Variants in NKAIN2 observed in about 807,000 individuals in gnomAD.
The protein encoded by NKAIN2 is sodium/potassium-transporting ATPase subunit beta-1-interacting protein 2.
Under a neutral mutation model 32.6 loss-of-function variants are expected in NKAIN2, and 14 were observed. The ratio of observed to expected loss-of-function variants is 0.43; its 90% CI spans 0.28 to 0.67. The LOEUF is 0.67. Ranked by LOEUF, NKAIN2 falls within the 30% of genes least tolerant of loss-of-function variation. The pLI is 0.17. For missense variants in NKAIN2, 198 were observed against 258.3 expected, an observed-to-expected ratio of 0.77 and a Z score of 1.60; for synonymous variants, 80 against 87.2, an observed-to-expected ratio of 0.92 and a Z score of 0.46.
chr6:124,200,170 G>A (rs1790528830), intron 1 of NKAIN2, among the ~76,000 whole-genome samples: 1 of 152,098 alleles, frequency 6.6e-6, no homozygotes, highest in Non-Finnish European at 1.5e-5. Flanking sequence ...TGAAGCATTT[G>A]CCAATGAACA....
chr6:124,074,039 G>A (rs533577044), intron 1 of NKAIN2, among the ~76,000 whole-genome samples: 1 of 152,248 alleles, frequency 6.6e-6, no homozygotes, highest in South Asian at 2.1e-4. Context: ...ACAGTGAAAT[G>A]ATGCAAGGCA....
chr6:124,137,914 G>T (rs1442644583), intron 1 of NKAIN2, among the ~76,000 whole-genome samples: 1 of 152,060 alleles, frequency 6.6e-6, no homozygotes, highest in Non-Finnish European at 1.5e-5. Context: ...AAAAATTCTA[G>T]AAGATAACAT....
intron 3 of NKAIN2, among the ~76,000 whole-genome samples, chr6:124,581,392 T>C (rs914285717): frequency 7.0e-6 from 1 of 142,040 alleles, no homozygotes; most frequent in African/African-American, 2.6e-5. Context: ...TGAGCCGAGA[T>C]TGCGCCACTG....
At chr6:124,654,420 C>T (rs192607113) in intron 3 of NKAIN2, among the ~76,000 whole-genome samples, 96 of 151,562 alleles carry the variant, frequency 6.3e-4, no homozygotes, top group Non-Finnish European at 1.2e-3. Context: ...AAATCTCAAA[C>T]GTAAGTTAAA....
intron 3 of NKAIN2, among the ~76,000 whole-genome samples, chr6:124,413,272 G>A (rs989954797): frequency 1.2e-4 from 19 of 152,082 alleles, no homozygotes; most frequent in Admixed American, 1.2e-3. Flanking sequence ...CGCTCTTTTT[G>A]TTTAAGAATT....
chr6:124,207,009 T>C (rs1022209898), intron 1 of NKAIN2, among the ~76,000 whole-genome samples: 4 of 151,726 alleles, frequency 2.6e-5, no homozygotes, highest in Admixed American at 1.3e-4. Context: ...AGAAACACAG[T>C]TTCAGCTAAG....
At chr6:124,138,079 G>C (rs1786915580) in intron 1 of NKAIN2, among the ~76,000 whole-genome samples, 1 of 152,096 alleles carries the variant, frequency 6.6e-6, no homozygotes, top group Admixed American at 6.5e-5. Flanking sequence ...CACAGAGTAG[G>C]AGAAAATATC....
intron 2 of NKAIN2, among the ~76,000 whole-genome samples, chr6:124,354,220 C>A (rs916417351): frequency 8.5e-5 from 13 of 152,112 alleles, no homozygotes; most frequent in Non-Finnish European, 1.6e-4. Flanking sequence ...TGTGCTCAGA[C>A]TTTATATATT....
intron 1 of NKAIN2, among the ~76,000 whole-genome samples, chr6:123,870,745 C>A (rs954113579): frequency 1.3e-5 from 2 of 152,116 alleles, no homozygotes; most frequent in Admixed American, 1.3e-4. Flanking sequence ...TTGAAATAGG[C>A]AGCTATAGTG....
intron 1 of NKAIN2, among the ~76,000 whole-genome samples, chr6:124,044,635 T>TAGAG: frequency 1.3e-5 from 2 of 152,172 alleles, no homozygotes; most frequent in Non-Finnish European, 2.9e-5. Context: ...CAGGCCCCTG[T>TAGAG]AGAGCCCTTT....
intron 2 of NKAIN2, among the ~76,000 whole-genome samples, chr6:124,334,985 A>G (rs1797808854): frequency 6.6e-6 from 1 of 152,178 alleles, no homozygotes; most frequent in Non-Finnish European, 1.5e-5. Flanking sequence ...TGATTTTTGC[A>G]AAGGTGGTTT....
rs56947203 is a variant in NKAIN2 at position 124,411,775 on chromosome 6, G to A, written c.273+56428G>A. On this transcript the variant is annotated intron_variant, in intron 3 of 6. Coordinates refer to ENST00000368417, the MANE Select transcript of NKAIN2 (RefSeq NM_001040214.3). Reference sequence around the variant, plus strand: ...TCTCCTGGATAATATCCTGCAGAATGTTTTCCAGCTTGGTTCCATTCTCTC... The same window carrying A: ...TCTCCTGGATAATATCCTGCAGAATATTTTCCAGCTTGGTTCCATTCTCTC... 9.5e-3 allele frequency among the ~76,000 whole-genome samples: 1,451 copies of A among 152,286 alleles called. 20 individuals are homozygous for A. The highest frequency in any genetic ancestry group is 0.033 in the African/African-American group (1,385 of 41,538).
At chr6:124,458,639 T>C (rs1242655715) in intron 3 of NKAIN2, among the ~76,000 whole-genome samples, 1 of 151,764 alleles carries the variant, frequency 6.6e-6, no homozygotes, top group Non-Finnish European at 1.5e-5. Context: ...AAAAATAAAA[T>C]TGAAAATTCT....
At chr6:124,543,359 A>T (rs1249750015) in intron 3 of NKAIN2, among the ~76,000 whole-genome samples, 1 of 152,198 alleles carries the variant, frequency 6.6e-6, no homozygotes, top group East Asian at 1.9e-4. Context: ...ATAACTCATT[A>T]TACACTTAAT....
chr6:124,794,246 C>A (rs1779900912), intron 5 of NKAIN2, among the ~76,000 whole-genome samples: 1 of 152,144 alleles, frequency 6.6e-6, no homozygotes, highest in Non-Finnish European at 1.5e-5. Context: ...AATATTTGAA[C>A]ACAAGACTCC....
chr6:124,336,422 C>G (rs558741347), intron 2 of NKAIN2, among the ~76,000 whole-genome samples: 1 of 152,204 alleles, frequency 6.6e-6, no homozygotes, highest in East Asian at 1.9e-4. Flanking sequence ...GAGTGTTATA[C>G]AAGGAAAGGA....
intron 1 of NKAIN2, among the ~76,000 whole-genome samples, chr6:124,145,812 C>G (rs946193368): frequency 1.3e-5 from 2 of 151,946 alleles, no homozygotes; most frequent in Admixed American, 6.6e-5. Flanking sequence ...GCCTGACAAA[C>G]TTTTAGTCAT....
intron 5 of NKAIN2, among the ~76,000 whole-genome samples, chr6:124,816,323 A>C (rs555928860): frequency 5.3e-5 from 8 of 152,304 alleles, no homozygotes; most frequent in Admixed American, 5.2e-4. Flanking sequence ...ATTTTAGGGC[A>C]GCGAAACTGT....
At chr6:123,883,352 A>G (rs1773543959) in intron 1 of NKAIN2, among the ~76,000 whole-genome samples, 1 of 152,004 alleles carries the variant, frequency 6.6e-6, no homozygotes, top group African/African-American at 2.4e-5. Context: ...TCACCGTGTT[A>G]GCCAGGATGG....
Sources: gnomAD v4.1 joint callset for allele counts (sites outside exome capture counted in the v4.1 genomes callset) on GRCh38, gnomAD v4.1.1 for gene constraint, MANE v1.5 for transcripts, NCBI Gene and HGNC (gene_info 2026-07-23, HGNC 2026-07-21) for gene names.